The following SGCZ variants were observed in gnomAD, a reference collection of about 807,000 sequenced individuals.
The protein encoded by SGCZ is sarcoglycan zeta.
In SGCZ, 40 loss-of-function variants were observed where a neutral mutation model predicts 41.3. The observed-to-expected ratio is 0.97, with a 90% CI of 0.75 to 1.26. The LOEUF (loss-of-function observed/expected upper bound fraction) is 1.26, where lower values mean the gene tolerates loss of function less well. Among genes scored for constraint, SGCZ ranks in the 50% most tolerant of loss-of-function variants. The pLI, the probability that SGCZ is intolerant of heterozygous loss-of-function variation, is 0.00. For missense variants in SGCZ, 552 were observed against 369.8 expected (o/e 1.49, Z -4.04); for synonymous variants, 206 against 137.5 (o/e 1.50, Z -3.49).
At chr8:15,139,688 G>C (rs910633088) in intron 1 of SGCZ, among the ~76,000 whole-genome samples, 11 of 152,002 alleles carry the variant, frequency 7.2e-5, no homozygotes, top group Non-Finnish European at 1.6e-4. Context: ...TTTAACTATA[G>C]TCCTCATGTT....
At chr8:14,991,721 G>A (rs777047221) in intron 1 of SGCZ, among the ~76,000 whole-genome samples, 14 of 146,938 alleles carry the variant, frequency 9.5e-5, no homozygotes, top group South Asian at 2.2e-4. Flanking sequence ...CCAAATTAGC[G>A]TTTCCCTTAA....
intron 4 of SGCZ, among the ~76,000 whole-genome samples, chr8:14,178,674 T>G (rs1006367355): frequency 2.6e-5 from 4 of 152,220 alleles, no homozygotes; most frequent in African/African-American, 9.6e-5. Context: ...GGTAAACACC[T>G]GATATTCACA....
intron 1 of SGCZ, among the ~76,000 whole-genome samples, chr8:15,202,897 G>C (rs1291747666): frequency 6.6e-6 from 1 of 152,058 alleles, no homozygotes. Context: ...GATCACCTGA[G>C]GTCGGGAGTT....
intron 2 of SGCZ, among the ~76,000 whole-genome samples, chr8:14,386,250 T>C (rs1804572749): frequency 6.6e-6 from 1 of 151,946 alleles, no homozygotes; most frequent in South Asian, 2.1e-4. Context: ...CTATGATAAA[T>C]TTTGTTTAAA....
chr8:14,841,012 G>T (rs1434698246), intron 1 of SGCZ, among the ~76,000 whole-genome samples: 4 of 151,792 alleles, frequency 2.6e-5, no homozygotes, highest in South Asian at 2.1e-4. Context: ...TACAAATAAA[G>T]AAATTTTATC....
At chr8:14,557,681 T>A (rs976601256) in intron 1 of SGCZ, among the ~76,000 whole-genome samples, 1 of 151,928 alleles carries the variant, frequency 6.6e-6, no homozygotes, top group Non-Finnish European at 1.5e-5. Context: ...TTGAATAGGG[T>A]GTCCTTTCCC....
chr8:15,109,942 A>C (rs1030934418), intron 1 of SGCZ, among the ~76,000 whole-genome samples: 74 of 152,210 alleles, frequency 4.9e-4, no homozygotes, highest in African/African-American at 1.8e-3. Context: ...AATATACATT[A>C]AACTTTTAAT....
At chr8:14,579,792 G>A (rs570332660) in intron 1 of SGCZ, among the ~76,000 whole-genome samples, 1 of 152,264 alleles carries the variant, frequency 6.6e-6, no homozygotes, top group South Asian at 2.1e-4. Flanking sequence ...ACGTTCATAG[G>A]CATCATAATT....
intron 1 of SGCZ, among the ~76,000 whole-genome samples, chr8:14,660,997 A>C (rs1807728886): frequency 6.6e-6 from 1 of 152,172 alleles, no homozygotes; most frequent in African/African-American, 2.4e-5. Flanking sequence ...TATTATTAAT[A>C]AATACTATTG....
chr8:15,188,319 A>T (rs1800414779), intron 1 of SGCZ, among the ~76,000 whole-genome samples: 1 of 152,074 alleles, frequency 6.6e-6, no homozygotes, highest in South Asian at 2.1e-4. Context: ...CTCCTAGAAC[A>T]TCTGTTACTT....
At chr8:15,183,652 G>A (rs1800244894) in intron 1 of SGCZ, among the ~76,000 whole-genome samples, 1 of 152,118 alleles carries the variant, frequency 6.6e-6, no homozygotes, top group Admixed American at 6.6e-5. Flanking sequence ...GTTGCCATTT[G>A]GGGAAGAAAA....
chr8:14,595,424 C>CACAA (rs1478118924), intron 1 of SGCZ, among the ~76,000 whole-genome samples: 2 of 151,660 alleles, frequency 1.3e-5, no homozygotes, highest in African/African-American at 4.8e-5. Context: ...CACACACACA[C>CACAA]ACACACACAC....
chr8:14,624,253 T>C, intron 1 of SGCZ, among the ~76,000 whole-genome samples: 1 of 152,240 alleles, frequency 6.6e-6, no homozygotes, highest in East Asian at 1.9e-4. Context: ...AAGGTCCCTC[T>C]CTGTTGAAAG....
intron 1 of SGCZ, among the ~76,000 whole-genome samples, chr8:15,139,850 G>A (rs902208090): frequency 1.2e-4 from 19 of 152,068 alleles, no homozygotes; most frequent in African/African-American, 4.3e-4. Context: ...ATAATGACAC[G>A]GTAGTCACTG....
intron 3 of SGCZ, among the ~76,000 whole-genome samples, chr8:14,269,275 T>C (rs1453443038): frequency 2.0e-5 from 3 of 152,208 alleles, no homozygotes; most frequent in Non-Finnish European, 4.4e-5. Context: ...TGTTAATTCA[T>C]TAAATAATTC....
At chr8:14,576,048 T>G (rs1424695085) in intron 1 of SGCZ, among the ~76,000 whole-genome samples, 3 of 151,950 alleles carry the variant, frequency 2.0e-5, no homozygotes, top group Non-Finnish European at 4.4e-5. Flanking sequence ...CATCCTCACA[T>G]GAATCTATAC....
chr8:14,425,498 G>A (rs1799755715), intron 2 of SGCZ, among the ~76,000 whole-genome samples: 1 of 151,978 alleles, frequency 6.6e-6, no homozygotes, highest in Admixed American at 6.6e-5. Flanking sequence ...GCAGCCACCT[G>A]TAATCCCAGA....
intron 1 of SGCZ, among the ~76,000 whole-genome samples, chr8:15,008,546 A>AG (rs1563432368): frequency 2.6e-5 from 1 of 38,070 alleles, no homozygotes; most frequent in Non-Finnish European, 4.7e-5. Context: ...GAAGGAAGGG[A>AG]GGGAGTGAGG....
intron 1 of SGCZ, among the ~76,000 whole-genome samples, chr8:14,885,084 A>T (rs1804737741): frequency 6.6e-6 from 1 of 152,172 alleles, no homozygotes; most frequent in African/African-American, 2.4e-5. Context: ...ATACTTTGCC[A>T]AATCAGTCAC....
Sources: allele counts gnomAD v4.1 joint callset (sites outside exome capture counted in the v4.1 genomes callset), GRCh38; gene constraint gnomAD v4.1.1; transcripts MANE v1.5; gene names NCBI Gene and HGNC (gene_info 2026-07-23, HGNC 2026-07-21).